CC2D2A: variants seen among roughly 807,000 people sequenced by gnomAD.
CC2D2A encodes the protein coiled-coil and C2 domain containing 2A, also known as coiled-coil and C2 domain-containing protein 2A.
CC2D2A carries 155 observed loss-of-function variants against 212.9 expected under a neutral mutation model. The observed-to-expected ratio is 0.73, with a 90% confidence interval of 0.64 to 0.83. The LOEUF (loss-of-function observed/expected upper bound fraction) is 0.83. CC2D2A is among the 40% of genes least tolerant of loss of function. The pLI, the probability that CC2D2A is intolerant of heterozygous loss-of-function variation, is 0.00. For missense variants in CC2D2A, 1,856 were observed against 1,956.2 expected, an observed-to-expected ratio of 0.95 and a Z score of 0.97; for synonymous variants, 667 against 686.5, an observed-to-expected ratio of 0.97 and a Z score of 0.44.
Position 15,495,156 on chromosome 4 carries a change from T to C in CC2D2A, c.248-7273T>C, listed in dbSNP as rs967880116. Among the ~76,000 whole-genome samples the C allele has an allele frequency of 9.2e-5, 14 of 152,324 alleles. 1 individual carries two copies. The highest frequency in any genetic ancestry group is 8.5e-4 in the Admixed American group (13 of 15,308). On this transcript the variant is annotated intron_variant, in intron 4 of 36. Transcript: ENST00000424120. The stretch of plus-strand genomic sequence containing the variant: ...CAGAGTCTTGCTCTGTTGCCCAGGC[T>C]GGAGTGCAGTAGCACAATCTTGGTT...
chr4:15,580,288 A>C, intron 30 of CC2D2A, 117 bp downstream of exon 30: 2 of 771,512 alleles, frequency 2.6e-6, no homozygotes. Context: ...CGAGATCATT[A>C]ATGACAAAAG....
At chr4:15,591,010 G>A (rs192282127) in intron 33 of CC2D2A, among the ~76,000 whole-genome samples, 187 of 152,194 alleles carry the variant, frequency 1.2e-3, no homozygotes, top group Non-Finnish European at 8.2e-4. Context: ...TTACAGGCGC[G>A]AGCCACCACA....
rs146164406 is a variant in CC2D2A at position 15,543,693 on chromosome 4, C to T, written c.2181+2679C>T. On this transcript the variant is annotated intron_variant, in intron 17 of 36. Transcript: ENST00000424120. The stretch of plus-strand genomic sequence containing the variant: ...GTCCCTGCCCCTGCTGTGGGGTCCA[C>T]GTGGACTCTCTATTCCATCTGCTCT... The T allele has an allele frequency of 2.8e-3, 432 of 152,418 alleles. 6 individuals carry two copies. The highest frequency in any genetic ancestry group is 1.0e-2 in the African/African-American group (415 of 41,558). 9.4% of individuals were successfully genotyped at this position (152,418 alleles called of 1,614,324 possible). A position where few individuals can be genotyped will look rare whatever the true frequency, so the allele number is the denominator to read the frequency against.
chr4:15,481,988 A>C (rs1714699354), intron 4 of CC2D2A: 1 of 985,344 alleles, frequency 1.0e-6, no homozygotes, highest in Non-Finnish European at 1.2e-6. Flanking sequence ...AATGAACATT[A>C]GGAATTACCT....
chr4:15,560,691 G>A, intron 23 of CC2D2A, 69 bp downstream of exon 23: 1 of 686,358 alleles, frequency 1.5e-6, no homozygotes. Flanking sequence ...TTATATGAAA[G>A]GTATCATATA....
chr4:15,499,912 G>A (rs1715826493), intron 4 of CC2D2A, among the ~76,000 whole-genome samples: 1 of 143,670 alleles, frequency 7.0e-6, no homozygotes, highest in South Asian at 2.2e-4. Flanking sequence ...TGCGTGGCTG[G>A]GGACCTTAGA....
chr4:15,555,877 A>G (rs2109056364), intron 20 of CC2D2A, among the ~76,000 whole-genome samples: 1 of 152,356 alleles, frequency 6.6e-6, no homozygotes, highest in East Asian at 1.9e-4. Flanking sequence ...GAGGAAGCTG[A>G]GTTCAGAAAC....
intron 19 of CC2D2A, among the ~76,000 whole-genome samples, chr4:15,554,422 G>A (rs28396343): frequency 0.061 from 9,308 of 152,088 alleles, 619 homozygotes; most frequent in East Asian, 0.38. Flanking sequence ...TCCATTATCC[G>A]ACTATTTTGG....
intron 6 of CC2D2A, among the ~76,000 whole-genome samples, chr4:15,506,146 T>C (rs1347727924): frequency 6.6e-6 from 1 of 152,208 alleles, no homozygotes; most frequent in East Asian, 1.9e-4. Context: ...AATGTAATTA[T>C]TACTTTAAGA....
Position 15,475,966 on chromosome 4 carries a change from A to G in CC2D2A, c.34A>G (p.Thr12Ala), listed in dbSNP as rs1714185291. ...NPREEKVKII[T>A]EEFIENDEDA... ...CAGGGAAGAAAAAGTAAAAATAATT[A>G]CAGAGGTAAGTGGCCACTTTGATGT... The change falls in exon 2 of 37, where the codon ACA becomes GCA. Residue 12 changes from threonine (T) to alanine (A), a missense_variant. This residue lies in a region of CC2D2A where 1,512 missense variants were observed against 1,579.3 expected (regional missense o/e 0.96). Transcript: ENST00000424120. 15 of 1,590,088 alleles carry G rather than the reference A, an allele frequency of 9.4e-6. No individual in the cohort carries two copies. The highest frequency in any genetic ancestry group is 1.3e-5 in the Non-Finnish European group (15 of 1,167,400).
At chr4:15,539,582 A>G (rs1718313753) in intron 16 of CC2D2A, among the ~76,000 whole-genome samples, 1 of 152,254 alleles carries the variant, frequency 6.6e-6, no homozygotes, top group African/African-American at 2.4e-5. Context: ...TTTTAAAATT[A>G]TAGCTTTTTG....
intron 24 of CC2D2A, among the ~76,000 whole-genome samples, chr4:15,565,633 G>A (rs1240447653): frequency 1.3e-5 from 2 of 151,920 alleles, no homozygotes; most frequent in Non-Finnish European, 2.9e-5. Flanking sequence ...TTAGACCCAG[G>A]GTCTTGCTGT....
At chr4:15,587,781 A>G in intron 31 of CC2D2A, 35 bp from the exon 32 acceptor site, 1 of 1,102,194 alleles carries the variant, frequency 9.1e-7, no homozygotes, top group Admixed American at 1.8e-5. Context: ...TAAAGCATTG[A>G]GTCATACAAC....
intron 6 of CC2D2A, among the ~76,000 whole-genome samples, chr4:15,508,316 C>T (rs1716371102): frequency 6.6e-6 from 1 of 152,184 alleles, no homozygotes; most frequent in Non-Finnish European, 1.5e-5. Flanking sequence ...TCTTTGGTGT[C>T]ACTTCTCAGA....
At chr4:15,475,817 T>G in intron 1 of CC2D2A, 98 bp from the exon 2 acceptor site, 1 of 981,786 alleles carries the variant, frequency 1.0e-6, no homozygotes, top group Admixed American at 2.0e-5. Context: ...CTCAAACACT[T>G]CACTTACCAT....
In CC2D2A at chr4:15,476,925, G is replaced by T. The variant is rs78253754; in HGVS notation, c.39+954G>T. ...GGGCTCACTGGCTTGAGACAACAAA[G>T]ACAGAAATGGAGATGATATGTGCTG... On this transcript the variant is annotated intron_variant, in intron 2 of 36. Coordinates refer to ENST00000424120, the MANE Select transcript of CC2D2A (RefSeq NM_001378615.1). Among the ~76,000 whole-genome samples, 54 of 152,292 alleles carry T rather than the reference G, an allele frequency of 3.5e-4. No individual in the cohort carries two copies. In the East Asian group the frequency reaches 9.1e-3, roughly 26 times the overall value.
Position 15,510,159 on chromosome 4 carries a change from G to T in CC2D2A, c.459G>T (p.Arg153Ser), listed in dbSNP as rs187148400. The change falls in exon 7 of 37, where the codon AGG becomes AGT. Residue 153 changes from arginine to serine, a missense_variant. This residue lies in a region of CC2D2A where 1,512 missense variants were observed against 1,579.3 expected (regional missense o/e 0.96). Transcript: ENST00000424120. Reference protein sequence around the residue: ...FGTEPGKEVERTQQEVDSQSY... With the variant: ...FGTEPGKEVESTQQEVDSQSY... ...TATAGCCAGGGAAAGAGGTAGAAAG[G>T]ACTCAACAAGAAGTTGACTCCCAAA... 6.2e-7 allele frequency: 1 copy of T among 1,612,996 alleles called. No individual in the cohort carries two copies. The highest frequency in any genetic ancestry group is 2.2e-5 in the East Asian group (1 of 44,818).
intron 13 of CC2D2A, among the ~76,000 whole-genome samples, chr4:15,532,003 C>G (rs1250848072): frequency 6.6e-6 from 1 of 152,104 alleles, no homozygotes; most frequent in Non-Finnish European, 1.5e-5. Flanking sequence ...TTAACTCCTC[C>G]AAGCAACCCA....
intron 11 of CC2D2A, among the ~76,000 whole-genome samples, chr4:15,524,607 C>G (rs999967687): frequency 1.3e-5 from 2 of 151,860 alleles, no homozygotes; most frequent in African/African-American, 4.8e-5. Flanking sequence ...CCCGCCACCA[C>G]GCTCGGCTAA....
Sources: allele counts gnomAD v4.1 joint callset (sites outside exome capture counted in the v4.1 genomes callset), GRCh38; gene constraint gnomAD v4.1.1; regional missense constraint gnomAD v4.1.1; transcripts MANE v1.5; gene names NCBI Gene and HGNC (gene_info 2026-07-23, HGNC 2026-07-21).